Variants in EIF4A2 observed in about 807,000 individuals in gnomAD.
The protein encoded by EIF4A2 is eukaryotic translation initiation factor 4A2, also known as eukaryotic initiation factor 4A-II.
EIF4A2 carries 9 observed loss-of-function variants against 50.6 expected under a neutral mutation model. That is an observed-to-expected ratio of 0.18 (90% CI 0.11 to 0.31). The LOEUF (loss-of-function observed/expected upper bound fraction) is 0.31, where lower values mean the gene tolerates loss of function less well. Ranked by LOEUF, EIF4A2 falls within the 10% of genes least tolerant of loss-of-function variation. EIF4A2 has a pLI of 1.00. For synonymous variants in EIF4A2, 215 were observed against 164.4 expected (o/e 1.31, Z -2.35); for missense variants, 182 against 501.8 (o/e 0.36, Z 6.09).
Position 186,784,546 on chromosome 3 carries a change from A to G in EIF4A2, c.76-18A>G, listed in dbSNP as rs765073688. ...TGTTCATCTCATTTATGCGTGCATT[A>G]TTTTTTCTAACTTACAGAGCAACTG... On this transcript the variant is annotated intron_variant, in intron 2 of 10. Coordinates refer to ENST00000323963, the MANE Select transcript of EIF4A2 (RefSeq NM_001967.4). The G allele has an allele frequency of 8.7e-6, 14 of 1,614,050 alleles. No homozygotes were observed. The highest frequency in any genetic ancestry group is 2.2e-5 in the East Asian group (1 of 44,878).
chr3:186,788,234 A>G, intron 10 of EIF4A2: 3 of 1,222,698 alleles, frequency 2.5e-6, no homozygotes, highest in Non-Finnish European at 3.2e-6. Flanking sequence ...TGGTTTAGTT[A>G]TAGTGGCTTT....
intron 10 of EIF4A2, 48 bp from the exon 11 acceptor site, chr3:186,789,077 T>A (rs1048841297): frequency 6.3e-7 from 1 of 1,595,966 alleles, no homozygotes; most frequent in Non-Finnish European, 8.5e-7. Flanking sequence ...TGTTCAGTAG[T>A]TTATACATTA....
At chr3:186,785,604 C>A (rs968311048) in intron 4 of EIF4A2, 2 of 399,322 alleles carry the variant, frequency 5.0e-6, no homozygotes, top group Non-Finnish European at 9.1e-6. Context: ...ACTACGTACT[C>A]CCTACCTACA....
chr3:186,788,101 A>G lies in EIF4A2; in HGVS notation c.1079+219A>G, dbSNP rs140776929. The stretch of plus-strand genomic sequence containing the variant: ...TGTGGACATAGGGTTTTTTTCCACA[A>G]TTGTTGGTCTTACCTTATGCTTGAG... On this transcript the variant is annotated intron_variant, in intron 10 of 10. Transcript: ENST00000323963. The G allele has an allele frequency of 1.4e-4, 96 of 695,936 alleles. No homozygotes were observed. In the African/African-American group the frequency reaches 1.5e-3, roughly 11 times the overall value. The allele number at this position is 695,936 out of a possible 1,614,324, so 43.1% of individuals were successfully genotyped here. A position where few individuals can be genotyped will look rare whatever the true frequency, so the allele number is the denominator to read the frequency against.
chr3:186,785,792 T>C, intron 4 of EIF4A2, 91 bp from the exon 5 acceptor site: 1 of 1,496,050 alleles, frequency 6.7e-7, no homozygotes, highest in Admixed American at 2.1e-5. Flanking sequence ...TAAAAGCTGT[T>C]GGCAGACCAG....
rs753698118 is a variant in EIF4A2, at chr3:186,783,606, G to C, written c.-5G>C. ...TCAGTCGGGCGCTGAGTGGTTTTTC[G>C]GATCATGTCTGGTGGCTCCGCGGAT... On this transcript the variant is annotated 5_prime_UTR_variant, in exon 1 of 11. Coordinates refer to ENST00000323963, the MANE Select transcript of EIF4A2 (RefSeq NM_001967.4). 5 of 1,614,018 alleles carry C rather than the reference G, an allele frequency of 3.1e-6. No homozygotes were observed. The highest frequency in any genetic ancestry group is 2.2e-5 in the East Asian group (1 of 44,896).
At chr3:186,783,664 G>C in intron 1 of EIF4A2, 25 bp downstream of exon 1, 1 of 1,614,114 alleles carries the variant, frequency 6.2e-7, no homozygotes, top group Non-Finnish European at 8.5e-7. Flanking sequence ...GGCGGTCGCG[G>C]TCTGTAGTGA....
intron 1 of EIF4A2, chr3:186,784,059 A>G (rs554247843): frequency 9.1e-5 from 39 of 428,994 alleles, no homozygotes; most frequent in African/African-American, 5.2e-4. Context: ...CCACTCGGCC[A>G]CGGCGCGGAG....
At chr3:186,784,229 G>T (rs1214003167) in intron 1 of EIF4A2, 4 of 683,704 alleles carry the variant, frequency 5.9e-6, no homozygotes, top group Non-Finnish European at 9.6e-6. Flanking sequence ...CCATGCGCTC[G>T]GGCCTGGGGG....
In EIF4A2 at chr3:186,784,516, G is replaced by A. The variant is rs906586830; in HGVS notation, c.75+39G>A. 2 of 1,614,118 alleles carry A rather than the reference G, an allele frequency of 1.2e-6. No homozygotes were observed. The highest frequency in any genetic ancestry group is 1.7e-6 in the Non-Finnish European group (2 of 1,179,980). ...GTGGATCTTGAAGCTTTGGAAAGGT[G>A]AGTGTGTTCATCTCATTTATGCGTG... On this transcript the variant is annotated intron_variant, in intron 2 of 10. Transcript: ENST00000323963.
intron 3 of EIF4A2, 97 bp from the exon 4 acceptor site, chr3:186,784,865 G>A: frequency 1.2e-6 from 2 of 1,605,514 alleles, no homozygotes; most frequent in Non-Finnish European, 1.7e-6. Flanking sequence ...CTGATCACTT[G>A]ATTATTTGGG....
chr3:186,785,484 C>T (rs1182185854), intron 4 of EIF4A2: 3 of 298,152 alleles, frequency 1.0e-5, no homozygotes, highest in Non-Finnish European at 1.9e-5. Flanking sequence ...TTGAAGTAAA[C>T]CTTCCTAATA....
At chr3:186,784,911 G>C (rs1721604938) in intron 3 of EIF4A2, 51 bp from the exon 4 acceptor site, 2 of 1,613,740 alleles carry the variant, frequency 1.2e-6, no homozygotes, top group Admixed American at 1.7e-5. Flanking sequence ...GTGTGAAGTA[G>C]AAGTGACAAT....
Position 186,785,029 on chromosome 3 carries a change from G to C in EIF4A2, c.276G>C (p.Leu92=). The change falls in exon 4 of 11, where the codon CTG becomes CTC. Residue 92 remains leucine, a synonymous_variant. Coordinates refer to ENST00000323963, the MANE Select transcript of EIF4A2 (RefSeq NM_001967.4). ...CAGCCACATTTGCTATTTCCATCCT[G>C]CAACAGTTGGAGATTGAGTTCAAGG... is the stretch of plus-strand genomic sequence containing the variant. The part of the protein sequence containing the change: ...GKTATFAISI[L]QQLEIEFKET... 6.2e-7 allele frequency: 1 copy of C among 1,614,172 alleles called. No individual in the cohort carries two copies. Among genetic ancestry groups the C allele is most frequent in the Non-Finnish European group, 8.5e-7 (1 of 1,180,044 alleles).
intron 10 of EIF4A2, 84 bp downstream of exon 10, chr3:186,787,966 A>C (rs114157043): frequency 7.1e-7 from 1 of 1,400,256 alleles, no homozygotes; most frequent in Non-Finnish European, 1.0e-6. Flanking sequence ...CATCAAATCA[A>C]GGAATAGATT....
Position 186,789,188 on chromosome 3 carries a change from C to A in EIF4A2, c.1143C>A (p.Asp381Glu). 2 of 1,613,704 alleles carry A rather than the reference C, an allele frequency of 1.2e-6. No homozygotes were observed. Among genetic ancestry groups the A allele is most frequent in the Non-Finnish European group, 1.7e-6 (2 of 1,179,794 alleles). Residue 381 changes from aspartate to glutamate, a missense_variant, in exon 11 of 11, where the codon GAC becomes GAA. Asp to Glu is a conservative substitution (Grantham distance 45). Coordinates refer to ENST00000323963, the MANE Select transcript of EIF4A2 (RefSeq NM_001967.4). ...GVAINFVTEE[D>E]KRILRDIETF... ...CTATAAACTTTGTTACTGAAGAAGA[C>A]AAGAGGATTCTTCGTGACATTGAGA...
intron 10 of EIF4A2, 25 bp from the exon 11 acceptor site, chr3:186,789,100 C>CG: frequency 6.2e-7 from 1 of 1,608,206 alleles, no homozygotes; most frequent in Non-Finnish European, 8.5e-7. Context: ...TGAGAAGTAA[C>CG]GTTCTGATTC....
At chr3:186,787,976 TC>T in intron 10 of EIF4A2, 94 bp downstream of exon 10, 1 of 1,271,040 alleles carries the variant, frequency 7.9e-7, no homozygotes, top group Middle Eastern at 1.9e-4. Flanking sequence ...AGGAATAGAT[TC>T]AGTAAAGTCA....
chr3:186,788,002 G>A (rs1236042856), intron 10 of EIF4A2, 120 bp downstream of exon 10: 3 of 1,077,584 alleles, frequency 2.8e-6, no homozygotes, highest in Non-Finnish European at 4.0e-6. Context: ...TGTTCAGTAA[G>A]ATGATGTAAT....
Sources: gnomAD v4.1 joint callset for allele counts on GRCh38, gnomAD v4.1.1 for gene constraint, MANE v1.5 for transcripts, NCBI Gene and HGNC (gene_info 2026-07-23, HGNC 2026-07-21) for gene names.